CHEK1: variants seen among roughly 807,000 people sequenced by gnomAD.
The protein encoded by CHEK1 is serine/threonine-protein kinase Chk1.
In CHEK1, 32 loss-of-function variants were observed where a neutral mutation model predicts 60.2. That is an observed-to-expected ratio of 0.53 (90% CI 0.40 to 0.71). The LOEUF (loss-of-function observed/expected upper bound fraction) is 0.71, where lower values mean the gene tolerates loss of function less well. CHEK1 is among the 30% of genes least tolerant of loss of function. The pLI is 0.00. For synonymous variants in CHEK1, 179 were observed against 187.2 expected, an observed-to-expected ratio of 0.96 and a Z score of 0.36; for missense variants, 399 against 564.6, an observed-to-expected ratio of 0.71 and a Z score of 2.97.
chr11:125,643,488 G>A lies in CHEK1; in HGVS notation c.815-304G>A, dbSNP rs970981281. The A allele has an allele frequency of 5.2e-5, 10 of 191,160 alleles. No homozygotes were observed. The Admixed American group carries it at 5.3e-4, about 10-fold the overall frequency. The allele number at this position is 191,160 out of a possible 1,614,324, so 11.8% of individuals were successfully genotyped here. A position where few individuals can be genotyped will look rare whatever the true frequency, so the allele number is the denominator to read the frequency against. Reference sequence around the variant, plus strand: ...AGCCTGGGTGACAGAGCGAGACTCCGTCTCAAAAAAAGAAAAAAAAAAAGA... The same window carrying A: ...AGCCTGGGTGACAGAGCGAGACTCCATCTCAAAAAAAGAAAAAAAAAAAGA... On this transcript the variant is annotated intron_variant, in intron 8 of 12. Transcript: ENST00000438015.
chr11:125,679,044 C>T (rs1363815549), downstream of CHEK1, among the ~76,000 whole-genome samples: 1 of 134,634 alleles, frequency 7.4e-6, no homozygotes, highest in Non-Finnish European at 1.6e-5. Flanking sequence ...ATACCATTTA[C>T]ATTCACTTCA....
At position 125,656,830 on chromosome 11, in the gene CHEK1, A is replaced by G. The variant is rs1941915788; in HGVS notation, c.*1510A>G. On this transcript the variant is annotated 3_prime_UTR_variant, in exon 13 of 13. Transcript: ENST00000438015. ...CTTTCCCTGACTTATCTAAAATAATAACCTCCTCTGTTTGCTGTGGGAATT... is the reference window on the plus strand; with the variant it reads ...CTTTCCCTGACTTATCTAAAATAATGACCTCCTCTGTTTGCTGTGGGAATT... 4.7e-6 allele frequency: 1 copy of G among 213,138 alleles called. No homozygotes were observed. Among genetic ancestry groups the G allele is most frequent in the Non-Finnish European group, 9.5e-6 (1 of 105,306 alleles). The allele number at this position is 213,138 out of a possible 1,614,324, so 13.2% of individuals were successfully genotyped here. A position where few individuals can be genotyped will look rare whatever the true frequency, so the allele number is the denominator to read the frequency against.
downstream of CHEK1, among the ~76,000 whole-genome samples, chr11:125,658,016 A>C (rs1376399098): frequency 6.6e-6 from 1 of 152,082 alleles, no homozygotes; most frequent in Non-Finnish European, 1.5e-5. Flanking sequence ...AGTATTCCAA[A>C]TTTTCACCTA....
At chr11:125,665,175 A>C (rs1038688408) in intron 13 of CHEK1, among the ~76,000 whole-genome samples, 1 of 146,868 alleles carries the variant, frequency 6.8e-6, no homozygotes, top group Non-Finnish European at 1.5e-5. Flanking sequence ...TTTGGTTACT[A>C]TAGCTTTGTA....
Position 125,653,315 on chromosome 11 carries a change from A to G in CHEK1, c.1234-431A>G, listed in dbSNP as rs1941800659. The stretch of plus-strand genomic sequence containing the variant: ...CTGCAGCTTCAACCTCCTGGGCTCA[A>G]GTGACCCTTCTGCCTCAGCCCCCTG... On this transcript the variant is annotated intron_variant, in intron 11 of 12. Coordinates refer to ENST00000438015, the MANE Select transcript of CHEK1 (RefSeq NM_001114122.3). This position sits in a 1 kb window ranked among gnomAD's most constrained non-coding sequence, Gnocchi z 4.3. Among the ~76,000 whole-genome samples the G allele has an allele frequency of 6.6e-6, 1 of 152,182 alleles. No homozygotes were observed. The highest frequency in any genetic ancestry group is 2.4e-5 in the African/African-American group (1 of 41,438).
intron 6 of CHEK1, among the ~76,000 whole-genome samples, chr11:125,634,039 C>A (rs1940971260): frequency 7.1e-6 from 1 of 141,238 alleles, no homozygotes; most frequent in African/African-American, 2.6e-5. Flanking sequence ...GCTCTGTCAC[C>A]CACGCTGGAG....
At chr11:125,626,720 C>T (rs769358548) in intron 1 of CHEK1, 29 bp from the exon 2 acceptor site, 6 of 1,606,832 alleles carry the variant, frequency 3.7e-6, no homozygotes, top group Non-Finnish European at 5.1e-6. Context: ...TTACACTCTA[C>T]ATCTTTTCTG....
downstream of CHEK1, among the ~76,000 whole-genome samples, chr11:125,659,626 A>G (rs1323666539): frequency 6.6e-6 from 1 of 152,076 alleles, no homozygotes; most frequent in African/African-American, 2.4e-5. Flanking sequence ...TGATCCATAA[A>G]TTATTTTGAA....
intron 5 of CHEK1, among the ~76,000 whole-genome samples, 153 bp from the exon 6 acceptor site, chr11:125,633,010 A>T (rs565072760): frequency 6.6e-6 from 1 of 152,096 alleles, no homozygotes; most frequent in East Asian, 1.9e-4. Flanking sequence ...TTATTTTTTT[A>T]AATTTCTTTT....
Position 125,627,025 on chromosome 11 carries a change from A to C in CHEK1, c.65+192A>C, listed in dbSNP as rs926524472. ...AAAAGTTTTCTTTGTAGAGAGCTGGAAGGGACACGAAGTTATTGTTTCCAT... is the reference window on the plus strand; with the variant it reads ...AAAAGTTTTCTTTGTAGAGAGCTGGCAGGGACACGAAGTTATTGTTTCCAT... On this transcript the variant is annotated intron_variant, in intron 2 of 12. Transcript: ENST00000438015. Among the ~76,000 whole-genome samples, 8 of 152,272 alleles carry C rather than the reference A, an allele frequency of 5.3e-5. No individual in the cohort carries two copies. The South Asian group carries it at 1.7e-3, about 32-fold the overall frequency.
intron 13 of CHEK1, among the ~76,000 whole-genome samples, chr11:125,667,783 G>A (rs1225326867): frequency 2.6e-5 from 4 of 152,040 alleles, no homozygotes; most frequent in African/African-American, 9.7e-5. Context: ...ACCACGCCCG[G>A]CTAATTTTTG....
At chr11:125,634,099 G>A (rs1462196013) in intron 6 of CHEK1, among the ~76,000 whole-genome samples, 1 of 148,132 alleles carries the variant, frequency 6.8e-6, no homozygotes, top group Non-Finnish European at 1.5e-5. Flanking sequence ...CCAGGTTCTA[G>A]CAATTCTGTC....
At position 125,635,540 on chromosome 11, in the gene CHEK1, G is replaced by T; in HGVS notation, c.718+7G>T. ...ATCGATTCTGCTCCTCTAGGTAACT[G>T]AATTATCTTGAGTGAAAGAGTACCG... is the stretch of plus-strand genomic sequence containing the variant. On this transcript the variant is annotated splice_region_variant and intron_variant, in intron 7 of 12. Transcript: ENST00000438015. 6.5e-7 allele frequency: 1 copy of T among 1,540,518 alleles called. No individual in the cohort carries two copies. The highest frequency in any genetic ancestry group is 1.2e-5 in the South Asian group (1 of 83,922).
chr11:125,665,869 CTTTTT>C lies in CHEK1; in HGVS notation c.*28-10038_*28-10034del, dbSNP rs66560397. 3.6e-4 allele frequency among the ~76,000 whole-genome samples: 11 copies of C among 30,536 alleles called. No individual in the cohort carries two copies. In the East Asian group the frequency reaches 0.012, roughly 33 times the overall value. The allele number at this position is 30,536 out of a possible 152,430, so 20.0% of individuals were successfully genotyped here. On this transcript the variant is annotated intron_variant, in intron 13 of 13. Coordinates refer to the CHEK1 transcript ENST00000428830. ...TTTATTTATTTGGGTCTTCATTCCC[CTTTTT>C]TTTTTTTTTTTTTTTTTTTTGTAGT...
intron 8 of CHEK1, among the ~76,000 whole-genome samples, chr11:125,638,010 C>T (rs1349686412): frequency 6.6e-6 from 1 of 152,178 alleles, no homozygotes; most frequent in Non-Finnish European, 1.5e-5. Flanking sequence ...GCACCATAGG[C>T]ACTCATTAAA....
chr11:125,627,926 G>A (rs750105173), intron 3 of CHEK1, 96 bp downstream of exon 3: 6 of 956,548 alleles, frequency 6.3e-6, no homozygotes, highest in Non-Finnish European at 9.0e-6. Context: ...TTTCAAAATT[G>A]CTCATGCAAC....
At chr11:125,645,324 C>T (rs1202757380) in intron 11 of CHEK1, among the ~76,000 whole-genome samples, 3 of 152,062 alleles carry the variant, frequency 2.0e-5, no homozygotes, top group East Asian at 1.9e-4. Flanking sequence ...CTCCCATCTC[C>T]CTTGATTGCA....
Position 125,653,990 on chromosome 11 carries a change from A to G in CHEK1, c.1335+143A>G, listed in dbSNP as rs1941820433. 1.9e-6 allele frequency: 1 copy of G among 515,696 alleles called. No homozygotes were observed. The highest frequency in any genetic ancestry group is 2.9e-5 in the South Asian group (1 of 34,648). 31.9% of individuals were successfully genotyped at this position (515,696 alleles called of 1,614,324 possible). ...AATATTATGAGCATGTGTTTTCGTTATCTATTTTTCCCGAACATTGTTTTT... is the reference window on the plus strand; with the variant it reads ...AATATTATGAGCATGTGTTTTCGTTGTCTATTTTTCCCGAACATTGTTTTT... On this transcript the variant is annotated intron_variant, in intron 12 of 12. Coordinates refer to ENST00000438015, the MANE Select transcript of CHEK1 (RefSeq NM_001114122.3). The surrounding 1 kb of genome is among the most constrained non-coding windows in gnomAD (Gnocchi z 4.3).
intron 2 of CHEK1, 107 bp from the exon 3 acceptor site, chr11:125,627,500 G>T: frequency 1.2e-6 from 1 of 861,520 alleles, no homozygotes; most frequent in Non-Finnish European, 1.8e-6. Context: ...TTTCTCCTTT[G>T]TGGAAAAAGT....
Sources: allele counts gnomAD v4.1 joint callset (sites outside exome capture counted in the v4.1 genomes callset), GRCh38; gene constraint gnomAD v4.1.1; non-coding constraint Gnocchi (gnomAD v3.1); transcripts MANE v1.5; gene names NCBI Gene and HGNC (gene_info 2026-07-23, HGNC 2026-07-21).